Variants in ASIC2 observed in about 807,000 individuals in gnomAD.
The protein encoded by ASIC2 is acid sensing ion channel subunit 2, also known as acid-sensing ion channel 2.
Under a neutral mutation model 57.3 loss-of-function variants are expected in ASIC2, and 25 were observed. That is an observed-to-expected ratio of 0.44 (90% CI 0.32 to 0.61). The LOEUF is 0.61. Among genes scored for constraint, ASIC2 ranks in the 20% least tolerant of loss-of-function variants. The pLI is 0.06. For synonymous variants in ASIC2, 319 were observed against 307.5 expected (o/e 1.04, Z -0.39); for missense variants, 641 against 738.1 (o/e 0.87, Z 1.52).
intron 1 of ASIC2, among the ~76,000 whole-genome samples, chr17:33,159,726 G>A (rs1012243688): frequency 6.6e-6 from 1 of 152,168 alleles, no homozygotes; most frequent in African/African-American, 2.4e-5. Context: ...TTTATGTAGT[G>A]CATAAGAGTT....
At chr17:33,962,659 A>G (rs1033243316) in intron 1 of ASIC2, among the ~76,000 whole-genome samples, 2 of 152,090 alleles carry the variant, frequency 1.3e-5, no homozygotes, top group Non-Finnish European at 2.9e-5. Flanking sequence ...TCCACCTCAA[A>G]TCAACAGGAT....
At position 33,907,954 on chromosome 17, in the gene ASIC2, A is replaced by G. The variant is rs181313472; in HGVS notation, c.555+248024T>C. On this transcript the variant is annotated intron_variant, in intron 1 of 9. Transcript: ENST00000359872. ...TCTTGCAAACATAAAAATAGCACCT[A>G]CTCAGTGCAGGGCAGTTTTTTTCCC... Among the ~76,000 whole-genome samples, 176 of 152,268 alleles carry G rather than the reference A, an allele frequency of 1.2e-3. 2 individuals carry two copies. Among genetic ancestry groups the G allele is most frequent in the African/African-American group, 4.1e-3 (169 of 41,546 alleles).
chr17:33,377,658 T>C (rs933676907), intron 1 of ASIC2, among the ~76,000 whole-genome samples: 3 of 152,260 alleles, frequency 2.0e-5, no homozygotes, highest in African/African-American at 7.2e-5. Flanking sequence ...TCCTTTTCCA[T>C]GCATTCTGCA....
intron 1 of ASIC2, among the ~76,000 whole-genome samples, chr17:33,418,600 T>C (rs190535357): frequency 4.5e-4 from 69 of 152,322 alleles, no homozygotes; most frequent in Middle Eastern, 3.4e-3. Flanking sequence ...TAGCCAGTTT[T>C]CCCAACACCA....
At chr17:33,220,129 A>G (rs2142096652) in intron 1 of ASIC2, among the ~76,000 whole-genome samples, 1 of 152,066 alleles carries the variant, frequency 6.6e-6, no homozygotes, top group South Asian at 2.1e-4. Flanking sequence ...CACGAAGAAA[A>G]CCCCTAGTTT....
chr17:33,573,341 A>G (rs913975930), intron 1 of ASIC2, among the ~76,000 whole-genome samples: 7 of 152,212 alleles, frequency 4.6e-5, no homozygotes, highest in Admixed American at 3.9e-4. Context: ...GAAAAATTAA[A>G]CAAATACCCA....
intron 9 of ASIC2, 87 bp from the exon 10 acceptor site, chr17:33,014,153 G>A (rs2091793863): frequency 1.9e-6 from 2 of 1,060,660 alleles, no homozygotes; most frequent in Non-Finnish European, 2.9e-6. Flanking sequence ...AGGCCCTGGG[G>A]AAGGTGCTCC....
At chr17:34,095,750 T>TAA (rs1235011088) in intron 1 of ASIC2, among the ~76,000 whole-genome samples, 2 of 145,922 alleles carry the variant, frequency 1.4e-5, no homozygotes, top group African/African-American at 5.0e-5. Flanking sequence ...TTTATATATA[T>TAA]ATATATAGTT....
rs142674088 is a variant in ASIC2 at position 33,994,405 on chromosome 17, C to A, written c.555+161573G>T. Among the ~76,000 whole-genome samples, 662 of 152,216 alleles carry A rather than the reference C, an allele frequency of 4.3e-3. 7 individuals are homozygous for A. Among genetic ancestry groups the A allele is most frequent in the African/African-American group, 0.015 (604 of 41,536 alleles). Reference sequence around the variant, plus strand: ...TCACTTGGACATGACCAAAGTAGACCGTCAGAAGTCACAGCACGCTGTAGG... The same window carrying A: ...TCACTTGGACATGACCAAAGTAGACAGTCAGAAGTCACAGCACGCTGTAGG... On this transcript the variant is annotated intron_variant, in intron 1 of 9. Transcript: ENST00000359872.
intron 1 of ASIC2, among the ~76,000 whole-genome samples, chr17:33,177,805 C>A (rs1456483516): frequency 1.3e-5 from 2 of 152,152 alleles, no homozygotes; most frequent in African/African-American, 2.4e-5. Flanking sequence ...GCTGAAATAA[C>A]ATGTCTTGAA....
chr17:33,054,330 G>A (rs925098026), intron 3 of ASIC2, among the ~76,000 whole-genome samples: 2 of 152,172 alleles, frequency 1.3e-5, no homozygotes, highest in Non-Finnish European at 2.9e-5. Flanking sequence ...TCTGGACTCT[G>A]TCGCTGCCAA....
At chr17:33,586,554 A>T (rs1904639643) in intron 1 of ASIC2, among the ~76,000 whole-genome samples, 1 of 152,102 alleles carries the variant, frequency 6.6e-6, no homozygotes, top group Non-Finnish European at 1.5e-5. Flanking sequence ...GACCCTACAT[A>T]TTCTTGTCTC....
At chr17:33,758,578 G>A (rs1278975780) in intron 1 of ASIC2, among the ~76,000 whole-genome samples, 1 of 152,070 alleles carries the variant, frequency 6.6e-6, no homozygotes, top group African/African-American at 2.4e-5. Context: ...GAACAACAAG[G>A]GCTCTGCCCT....
intron 1 of ASIC2, among the ~76,000 whole-genome samples, chr17:33,161,735 C>T (rs1019412): frequency 0.26 from 39,467 of 151,886 alleles, 5,263 homozygotes; most frequent in East Asian, 0.4. Flanking sequence ...TCTTTCCCCA[C>T]GGCATTTTAT....
chr17:33,509,346 A>G (rs1319886216), intron 1 of ASIC2, among the ~76,000 whole-genome samples: 1 of 152,054 alleles, frequency 6.6e-6, no homozygotes, highest in African/African-American at 2.4e-5. Flanking sequence ...CATTGGCAAA[A>G]CCTATGGGGC....
chr17:33,478,226 A>G (rs563394321), intron 1 of ASIC2, among the ~76,000 whole-genome samples: 2 of 152,338 alleles, frequency 1.3e-5, no homozygotes, highest in South Asian at 4.1e-4. Context: ...ACAGCTGACA[A>G]CTGGCCAAAC....
At chr17:33,420,962 T>A (rs1400043867) in intron 1 of ASIC2, among the ~76,000 whole-genome samples, 1 of 152,136 alleles carries the variant, frequency 6.6e-6, no homozygotes, top group East Asian at 1.9e-4. Flanking sequence ...AGTGGTAGAG[T>A]TGGAACATTA....
chr17:33,996,248 T>G (rs1464158660), intron 1 of ASIC2, among the ~76,000 whole-genome samples: 1 of 152,208 alleles, frequency 6.6e-6, no homozygotes, highest in Non-Finnish European at 1.5e-5. Flanking sequence ...AGTTTGGATA[T>G]TAACCCCTTA....
intron 1 of ASIC2, among the ~76,000 whole-genome samples, chr17:33,821,336 C>T (rs908764059): frequency 1.3e-5 from 2 of 152,188 alleles, no homozygotes; most frequent in Non-Finnish European, 2.9e-5. Context: ...ATATTTCCTT[C>T]GAGCTCTAGG....
Sources: allele counts gnomAD v4.1 joint callset (sites outside exome capture counted in the v4.1 genomes callset), GRCh38; gene constraint gnomAD v4.1.1; transcripts MANE v1.5; gene names NCBI Gene and HGNC (gene_info 2026-07-23, HGNC 2026-07-21).